Variants in GALNT18 observed in about 807,000 individuals in gnomAD.
GALNT18 encodes the protein GalNAc-transferase 18.
Under a neutral mutation model 69.5 loss-of-function variants are expected in GALNT18, and 44 were observed. That is an observed-to-expected ratio of 0.63 (90% CI 0.50 to 0.81). The LOEUF (loss-of-function observed/expected upper bound fraction) is 0.81. Among genes scored for constraint, GALNT18 ranks in the 40% least tolerant of loss-of-function variants. The pLI is 0.00. For synonymous variants in GALNT18, 364 were observed against 318.2 expected, an observed-to-expected ratio of 1.14 and a Z score of -1.53; for missense variants, 715 against 810.0, an observed-to-expected ratio of 0.88 and a Z score of 1.42.
At chr11:11,352,119 A>C in intron 6 of GALNT18, 1 of 1,613,604 alleles carries the variant, frequency 6.2e-7, no homozygotes, top group Non-Finnish European at 8.5e-7. Flanking sequence ...AGATGAACCC[A>C]TTCGAGCCTG....
At chr11:11,406,571 G>A (rs552744743) in intron 3 of GALNT18, among the ~76,000 whole-genome samples, 2 of 152,222 alleles carry the variant, frequency 1.3e-5, no homozygotes, top group East Asian at 3.8e-4. Flanking sequence ...ATGTTGAAAG[G>A]AAGGGATGGT....
chr11:11,418,149 GTC>G (rs1554931809), intron 3 of GALNT18, among the ~76,000 whole-genome samples: 1 of 152,176 alleles, frequency 6.6e-6, no homozygotes, highest in Non-Finnish European at 1.5e-5. Context: ...CCATGTTTCT[GTC>G]TCTGTTTCCC....
chr11:11,537,525 T>G (rs1857810434), intron 1 of GALNT18, among the ~76,000 whole-genome samples: 1 of 152,198 alleles, frequency 6.6e-6, no homozygotes, highest in African/African-American at 2.4e-5. Context: ...TCTCCAGGGC[T>G]GCCCAGAGAA....
chr11:11,435,242 T>C lies in GALNT18; in HGVS notation c.429-2455A>G, dbSNP rs1386725650. ...AGGGTGTTCAGAGATGGGGGTTAAC[T>C]ACTTCCCCCTACTCTCTTCCCTTCT... On this transcript the variant is annotated intron_variant, in intron 2 of 10. Transcript: ENST00000227756. This position sits in a 1 kb window ranked among gnomAD's most constrained non-coding sequence, Gnocchi z 4.4. Among the ~76,000 whole-genome samples, 5 of 152,142 alleles carry C rather than the reference T, an allele frequency of 3.3e-5. No homozygotes were observed. The highest frequency in any genetic ancestry group is 7.4e-5 in the Non-Finnish European group (5 of 68,020).
At chr11:11,611,061 T>C (rs985679741) in intron 1 of GALNT18, among the ~76,000 whole-genome samples, 1 of 152,198 alleles carries the variant, frequency 6.6e-6, no homozygotes, top group Non-Finnish European at 1.5e-5. Context: ...ATCTTCCACT[T>C]GGATAATAGA....
intron 6 of GALNT18, among the ~76,000 whole-genome samples, chr11:11,350,450 TGATTACTATTGTTCAAACTCAGGCCA>T (rs1850379187): frequency 1.3e-5 from 2 of 152,208 alleles, no homozygotes; most frequent in Non-Finnish European, 2.9e-5. Flanking sequence ...CCAACAGGCC[TGATTACTATTGTTCAAACTCAGGCCA>T]GATGGGACTC....
intron 3 of GALNT18, among the ~76,000 whole-genome samples, chr11:11,405,941 C>T (rs1474238716): frequency 6.6e-6 from 1 of 152,234 alleles, no homozygotes; most frequent in Non-Finnish European, 1.5e-5. Context: ...GCACCTTCAA[C>T]ATGGTCCTCT....
At chr11:11,527,731 A>G (rs768722918) in intron 1 of GALNT18, among the ~76,000 whole-genome samples, 1 of 152,204 alleles carries the variant, frequency 6.6e-6, no homozygotes, top group Non-Finnish European at 1.5e-5. Context: ...TCCTCCCCTC[A>G]GTCTTGAAGA....
Position 11,327,078 on chromosome 11 carries a change from G to A in GALNT18, c.1512+8C>T, listed in dbSNP as rs749136483. The A allele has an allele frequency of 5.6e-6, 9 of 1,601,110 alleles. No individual in the cohort carries two copies. The East Asian group carries it at 2.0e-4, about 36-fold the overall frequency. On this transcript the variant is annotated splice_region_variant and intron_variant, in intron 9 of 10. Coordinates refer to ENST00000227756, the MANE Select transcript of GALNT18 (RefSeq NM_198516.3). The stretch of plus-strand genomic sequence containing the variant: ...ACTCCTGGCACAGGAATCTCTTAGA[G>A]GACTCACCTGAGGCGTCATCCCATG...
intron 9 of GALNT18, among the ~76,000 whole-genome samples, chr11:11,294,580 C>T (rs370689355): frequency 1.2e-4 from 18 of 147,812 alleles, no homozygotes; most frequent in African/African-American, 4.5e-4. Flanking sequence ...GAAAACTCAA[C>T]GCTCCTACTG....
intron 9 of GALNT18, among the ~76,000 whole-genome samples, chr11:11,301,618 A>G (rs1207365085): frequency 6.6e-6 from 1 of 152,218 alleles, no homozygotes; most frequent in Non-Finnish European, 1.5e-5. Context: ...CTGTGAACCC[A>G]TTTCCCTGGT....
intron 10 of GALNT18, among the ~76,000 whole-genome samples, chr11:11,289,177 T>C (rs551716920): frequency 4.7e-4 from 71 of 152,214 alleles, no homozygotes; most frequent in Non-Finnish European, 8.5e-4. Context: ...CAATGAGGGC[T>C]CGAGGAGAGA....
chr11:11,440,358 C>T (rs1438960128), intron 2 of GALNT18, among the ~76,000 whole-genome samples: 1 of 152,154 alleles, frequency 6.6e-6, no homozygotes, highest in Non-Finnish European at 1.5e-5. Flanking sequence ...GATGGAAAAG[C>T]CACGTTAGGG....
chr11:11,483,675 C>T (rs928990552), intron 1 of GALNT18, among the ~76,000 whole-genome samples: 1 of 152,156 alleles, frequency 6.6e-6, no homozygotes, highest in Non-Finnish European at 1.5e-5. Context: ...GAAATCCACA[C>T]ACTCTTTCTC....
intron 3 of GALNT18, among the ~76,000 whole-genome samples, chr11:11,397,213 A>C (rs16909593): frequency 0.13 from 20,179 of 152,136 alleles, 1,415 homozygotes; most frequent in East Asian, 0.27. Flanking sequence ...GGTGAGGTGG[A>C]ATGTTGGGAA....
At chr11:11,464,404 G>T (rs940514836) in intron 1 of GALNT18, among the ~76,000 whole-genome samples, 3 of 152,148 alleles carry the variant, frequency 2.0e-5, no homozygotes, top group African/African-American at 7.2e-5. Flanking sequence ...CTCAAAGTTG[G>T]TGGGCACCCA....
At chr11:11,426,077 C>T (rs1367497499) in intron 3 of GALNT18, among the ~76,000 whole-genome samples, 1 of 152,164 alleles carries the variant, frequency 6.6e-6, no homozygotes, top group Non-Finnish European at 1.5e-5. Context: ...ACATGGCCTT[C>T]GAGCTGCAGA....
At chr11:11,281,573 G>A (rs1207602988) in intron 10 of GALNT18, among the ~76,000 whole-genome samples, 2 of 152,154 alleles carry the variant, frequency 1.3e-5, no homozygotes, top group Non-Finnish European at 2.9e-5. Context: ...AACACGTCCC[G>A]CACAGAAGAC....
At chr11:11,361,742 C>T (rs1459327607) in intron 6 of GALNT18, among the ~76,000 whole-genome samples, 2 of 152,134 alleles carry the variant, frequency 1.3e-5, no homozygotes, top group Admixed American at 1.3e-4. Context: ...GCTCTTTCAG[C>T]ACATACTAGG....
Sources: gnomAD v4.1 joint callset for allele counts (sites outside exome capture counted in the v4.1 genomes callset) on GRCh38, gnomAD v4.1.1 for gene constraint, Gnocchi (gnomAD v3.1) non-coding constraint, MANE v1.5 for transcripts, NCBI Gene and HGNC (gene_info 2026-07-23, HGNC 2026-07-21) for gene names.